PRICKLE1: variants seen among roughly 807,000 people sequenced by gnomAD.
PRICKLE1 encodes prickle-like protein 1.
Under a neutral mutation model 70.2 loss-of-function variants are expected in PRICKLE1, and 14 were observed. The observed-to-expected ratio is 0.20, with a 90% confidence interval of 0.13 to 0.31. PRICKLE1 has a LOEUF of 0.31. Among genes scored for constraint, PRICKLE1 ranks in the 10% least tolerant of loss-of-function variants. The probability of loss-of-function intolerance (pLI) is 1.00; values close to 1 mark genes in which losing one functional copy is unlikely to be tolerated. For synonymous variants in PRICKLE1, 357 were observed against 379.9 expected, an observed-to-expected ratio of 0.94 and a Z score of 0.70; for missense variants, 821 against 1,026.2, an observed-to-expected ratio of 0.80 and a Z score of 2.73.
At chr12:42,497,780 A>G (rs1164544913) in intron 1 of PRICKLE1, among the ~76,000 whole-genome samples, 3 of 152,174 alleles carry the variant, frequency 2.0e-5, no homozygotes, top group African/African-American at 7.2e-5. Flanking sequence ...CTTGCTTGAC[A>G]CAGGATTGCC....
At chr12:42,490,864 T>G (rs977128002) in intron 1 of PRICKLE1, among the ~76,000 whole-genome samples, 1 of 152,104 alleles carries the variant, frequency 6.6e-6, no homozygotes, top group Non-Finnish European at 1.5e-5. Flanking sequence ...AAGCTCAAAC[T>G]TATTTTTTTA....
intron 1 of PRICKLE1, among the ~76,000 whole-genome samples, chr12:42,569,767 A>C (rs1037338460): frequency 2.6e-5 from 4 of 152,236 alleles, no homozygotes; most frequent in African/African-American, 9.6e-5. Flanking sequence ...TCTCTGGAAC[A>C]GATGCATCAA....
Position 42,508,278 on chromosome 12 carries a change from G to A in PRICKLE1, c.-48-35714C>T, listed in dbSNP as rs111497490. On this transcript the variant is annotated intron_variant, in intron 1 of 7. Transcript: ENST00000345127. ...AAGGCACTAGGAGCTTTATTATATC[G>A]GCAATAACCTTAGCACAACATCCCT... 7.5e-3 allele frequency among the ~76,000 whole-genome samples: 1,135 copies of A among 152,144 alleles called. 7 individuals carry two copies. Among genetic ancestry groups the A allele is most frequent in the African/African-American group, 0.017 (718 of 41,498 alleles).
chr12:42,523,261 C>T (rs1291084152), intron 1 of PRICKLE1, among the ~76,000 whole-genome samples: 1 of 152,224 alleles, frequency 6.6e-6, no homozygotes, highest in Non-Finnish European at 1.5e-5. Flanking sequence ...GCCACCGCGT[C>T]CAGCCAATTT....
intron 1 of PRICKLE1, among the ~76,000 whole-genome samples, chr12:42,564,269 A>AAAAAGG (rs71084673): frequency 8.0e-6 from 1 of 125,014 alleles, no homozygotes; most frequent in Non-Finnish European, 1.6e-5. Flanking sequence ...AAAAAAAAAA[A>AAAAAGG]AAAGAAAAGA....
chr12:42,473,404 C>T (rs140582580), intron 1 of PRICKLE1, among the ~76,000 whole-genome samples: 2,325 of 152,300 alleles, frequency 0.015, 35 homozygotes, highest in South Asian at 0.058. Context: ...TGTAAATCCT[C>T]CTCTGAATAA....
intron 1 of PRICKLE1, among the ~76,000 whole-genome samples, chr12:42,491,819 A>T (rs11181523): frequency 3.9e-5 from 5 of 128,410 alleles, no homozygotes; most frequent in Admixed American, 8.2e-5. Context: ...TTTCACTCTT[A>T]TTACCCAGGC....
intron 1 of PRICKLE1, among the ~76,000 whole-genome samples, chr12:42,541,465 C>T (rs1940114179): frequency 6.6e-6 from 1 of 151,954 alleles, no homozygotes. Context: ...TTCAGCCTCC[C>T]AAGTAGTCAG....
intron 1 of PRICKLE1, among the ~76,000 whole-genome samples, chr12:42,560,097 TC>T (rs140202673): frequency 0.11 from 15,743 of 144,036 alleles, 993 homozygotes; most frequent in African/African-American, 0.17. Context: ...TTGGGAAATC[TC>T]CTTTAATTAT....
intron 6 of PRICKLE1, 79 bp from the exon 7 acceptor site, chr12:42,465,337 T>C: frequency 2.1e-6 from 3 of 1,422,284 alleles, no homozygotes; most frequent in African/African-American, 2.8e-5. Flanking sequence ...ACGAAGAAAA[T>C]AAATAAAGAT....
intron 1 of PRICKLE1, among the ~76,000 whole-genome samples, chr12:42,559,636 T>TTG (rs769414237): frequency 1.1e-3 from 100 of 88,152 alleles, no homozygotes; most frequent in South Asian, 1.8e-3. Context: ...TTTTTTTTTT[T>TTG]GGGGGGGGTA....
intron 1 of PRICKLE1, among the ~76,000 whole-genome samples, chr12:42,496,554 G>A (rs778286219): frequency 5.3e-5 from 8 of 152,148 alleles, no homozygotes; most frequent in Non-Finnish European, 1.5e-5. Flanking sequence ...AATCCTAGAT[G>A]GCATCGTCTT....
chr12:42,504,779 G>C (rs1939376702), intron 1 of PRICKLE1, among the ~76,000 whole-genome samples: 1 of 152,084 alleles, frequency 6.6e-6, no homozygotes, highest in Non-Finnish European at 1.5e-5. Context: ...CTAATTTCTG[G>C]TTTAACACTT....
chr12:42,470,317 A>G lies in PRICKLE1; in HGVS notation c.175T>C (p.Tyr59His). The part of the protein sequence containing the change: ...FACLPEEKVP[Y>H]VNSPGEKHRI... ...TGCTTCTCTCCGGGGCTGTTAACGT[A>G]AGGAACTTTTTCCTCTGGTAAGCAA... The change falls in exon 3 of 8, where the codon TAC (tyrosine) becomes CAC (histidine). Residue 59 changes from tyrosine to histidine, a missense_variant. Physicochemically the swap from Tyr to His is moderately conservative, Grantham distance 83. Transcript: ENST00000345127. 3 of 1,614,102 alleles carry G rather than the reference A, an allele frequency of 1.9e-6. No individual in the cohort carries two copies. Among genetic ancestry groups the G allele is most frequent in the Non-Finnish European group, 2.5e-6 (3 of 1,179,968 alleles).
chr12:42,463,042 CA>C (rs1369430808), intron 7 of PRICKLE1, among the ~76,000 whole-genome samples: 1 of 152,120 alleles, frequency 6.6e-6, no homozygotes, highest in Non-Finnish European at 1.5e-5. Context: ...TAAAGTAGGC[CA>C]GGGGCAGTGG....
intron 1 of PRICKLE1, among the ~76,000 whole-genome samples, chr12:42,547,399 T>A (rs1189685222): frequency 6.6e-6 from 1 of 152,212 alleles, no homozygotes; most frequent in East Asian, 1.9e-4. Flanking sequence ...CTTGGGCAGA[T>A]TATGTAATAT....
chr12:42,469,820 C>T (rs765546810), intron 3 of PRICKLE1: 20 of 552,238 alleles, frequency 3.6e-5, no homozygotes, highest in Non-Finnish European at 5.9e-5. Flanking sequence ...AATTGAAAAC[C>T]CTTATCAACA....
chr12:42,481,047 T>C lies in PRICKLE1; in HGVS notation c.-48-8483A>G, dbSNP rs578071704. On this transcript the variant is annotated intron_variant, in intron 1 of 7. Transcript: ENST00000345127. ...GGGGAGGGAAAGTAAAAGGAACTAA[T>C]AGGAAAGGAAGAAATTGGGCCAAAG... 2.0e-5 allele frequency among the ~76,000 whole-genome samples: 3 copies of C among 152,186 alleles called. No individual in the cohort carries two copies. The East Asian group carries it at 5.8e-4, about 29-fold the overall frequency.
intron 5 of PRICKLE1, among the ~76,000 whole-genome samples, chr12:42,467,106 T>A (rs187095274): frequency 6.6e-6 from 1 of 151,846 alleles, no homozygotes; most frequent in Non-Finnish European, 1.5e-5. Context: ...GGTTCTTTTT[T>A]TATTTTTATT....
Sources: allele counts gnomAD v4.1 joint callset (sites outside exome capture counted in the v4.1 genomes callset), GRCh38; gene constraint gnomAD v4.1.1; transcripts MANE v1.5; gene names NCBI Gene and HGNC (gene_info 2026-07-23, HGNC 2026-07-21).